ZSCAN22: variants seen among roughly 807,000 people sequenced by gnomAD.
The protein encoded by ZSCAN22 is zinc finger and SCAN domain containing 22.
In ZSCAN22, 7 loss-of-function variants were observed where a neutral mutation model predicts 12.4. The observed-to-expected ratio is 0.57, with a 90% CI of 0.32 to 1.06. ZSCAN22 has a LOEUF of 1.06. Among genes scored for constraint, ZSCAN22 ranks in the 50% least tolerant of loss-of-function variants. The probability of loss-of-function intolerance (pLI) is 0.04; values close to 1 mark genes in which losing one functional copy is unlikely to be tolerated. For synonymous variants in ZSCAN22, 243 were observed against 255.9 expected (o/e 0.95, Z 0.48); for missense variants, 576 against 631.7 (o/e 0.91, Z 0.94).
Position 58,338,195 on chromosome 19 carries a change from CA to C in ZSCAN22, c.404-58del, listed in dbSNP as rs992264526. ...TACAAAGTGTGACCGGGGCCCTCGGCAGAGTAGGGGAGGCTTGGTGTGGTAG... is the reference window on the plus strand; with the variant it reads ...TACAAAGTGTGACCGGGGCCCTCGGCGAGTAGGGGAGGCTTGGTGTGGTAG... On this transcript the variant is annotated intron_variant, in intron 2 of 2. Transcript: ENST00000329665. This position sits in a 1 kb window ranked among gnomAD's most constrained non-coding sequence, Gnocchi z 5.4. The C allele has an allele frequency of 1.6e-5, 24 of 1,473,022 alleles. No homozygotes were observed. The Admixed American group carries it at 3.7e-4, about 23-fold the overall frequency. 91.2% of individuals were successfully genotyped at this position (1,473,022 alleles called of 1,614,324 possible).
rs572074941 is a variant in ZSCAN22, at chr19:58,340,134, A to G, written c.*808A>G. ...ATTCTCTGCCCCTGTATCACTCTCCAGGGGACTCTTGATATTACTTAGATC... is the reference window on the plus strand; with the variant it reads ...ATTCTCTGCCCCTGTATCACTCTCCGGGGGACTCTTGATATTACTTAGATC... On this transcript the variant is annotated 3_prime_UTR_variant, in exon 3 of 3. Transcript: ENST00000329665. 6.6e-6 allele frequency: 1 copy of G among 152,188 alleles called. No homozygotes were observed. The highest frequency in any genetic ancestry group is 1.5e-5 in the Non-Finnish European group (1 of 68,084). The allele number at this position is 152,188 out of a possible 1,614,324, so 9.4% of individuals were successfully genotyped here.
In ZSCAN22 at chr19:58,340,288, A is replaced by C. The variant is rs1208660366; in HGVS notation, c.*962A>C. ...GAGCAACCTCTCCAGTTATCCTCAT[A>C]TGCATGTATGAATACTGTCATTTTT... On this transcript the variant is annotated 3_prime_UTR_variant, in exon 3 of 3. Coordinates refer to ENST00000329665, the MANE Select transcript of ZSCAN22 (RefSeq NM_181846.3). 1.3e-5 allele frequency: 2 copies of C among 152,092 alleles called. No homozygotes were observed. Among genetic ancestry groups the C allele is most frequent in the Admixed American group, 1.3e-4 (2 of 15,248 alleles). 9.4% of individuals were successfully genotyped at this position (152,092 alleles called of 1,614,324 possible). A position where few individuals can be genotyped will look rare whatever the true frequency, so the allele number is the denominator to read the frequency against.
chr19:58,338,801 C>T lies in ZSCAN22; in HGVS notation c.951C>T (p.Val317=), dbSNP rs761045526. 3 of 1,613,876 alleles carry T rather than the reference C, an allele frequency of 1.9e-6. No individual in the cohort carries two copies. The highest frequency in any genetic ancestry group is 1.3e-5 in the African/African-American group (1 of 74,870). ...RSTHLAQHQV[V]HTGAKPHECK... is the part of the protein sequence containing the mutation. ...CTCACCTCGCCCAGCACCAGGTTGT[C>T]CACACAGGGGCGAAGCCCCATGAGT... Residue 317 remains valine (V), a synonymous_variant, in exon 3 of 3, where the codon GTC becomes GTT. Transcript: ENST00000329665. This position sits in a 1 kb window ranked among gnomAD's most constrained non-coding sequence, Gnocchi z 5.4.
rs745980220 is a variant in ZSCAN22 at position 58,338,635 on chromosome 19, A to C, written c.785A>C (p.Tyr262Ser). 6.2e-7 allele frequency: 1 copy of C among 1,614,176 alleles called. No individual in the cohort carries two copies. The highest frequency in any genetic ancestry group is 8.5e-7 in the Non-Finnish European group (1 of 1,180,034). The change falls in exon 3 of 3, where the codon TAC (tyrosine) becomes TCC (serine). Residue 262 changes from tyrosine to serine, a missense_variant. Tyr to Ser is a moderately radical substitution (Grantham distance 144). Coordinates refer to ENST00000329665, the MANE Select transcript of ZSCAN22 (RefSeq NM_181846.3). The surrounding 1 kb of genome is among the most constrained non-coding windows in gnomAD (Gnocchi z 5.4). ...DAYGTEPPYT[Y>S]SGKRSSKCRE... ...TATGGGACAGAGCCTCCATACACCT[A>C]CTCAGGGAAGAGGTCCTCCAAGTGT...
chr19:58,339,697 CAA>C lies in ZSCAN22; in HGVS notation c.*372_*373del. 4.9e-6 allele frequency: 1 copy of C among 204,744 alleles called. No homozygotes were observed. The highest frequency in any genetic ancestry group is 1.2e-4 in the East Asian group (1 of 8,436). The allele number at this position is 204,744 out of a possible 1,614,324, so 12.7% of individuals were successfully genotyped here. ...GCGTCCCAAGACGCTCTGGGCGGGC[CAA>C]CTGTAGCTTGTTCTCATGTGGTTCT... On this transcript the variant is annotated 3_prime_UTR_variant, in exon 3 of 3. Transcript: ENST00000329665. The surrounding 1 kb of genome is among the most constrained non-coding windows in gnomAD (Gnocchi z 5.6).
rs149707549 is a variant in ZSCAN22 at position 58,335,048 on chromosome 19, G to A, written c.246G>A (p.Ala82=). The change falls in exon 2 of 3, where the codon GCG becomes GCA. Residue 82 remains alanine, a synonymous_variant. Coordinates refer to ENST00000329665, the MANE Select transcript of ZSCAN22 (RefSeq NM_181846.3). The surrounding 1 kb of genome is among the most constrained non-coding windows in gnomAD (Gnocchi z 4.1). ...GCTGTCAGTGGCTGCAGCCCGAGGC[G>A]CACTCCAAGGAGCAGATACTGGAGC... ...ALCCQWLQPE[A]HSKEQILELL... The A allele has an allele frequency of 7.4e-6, 12 of 1,613,918 alleles. No homozygotes were observed. The highest frequency in any genetic ancestry group is 7.6e-6 in the Non-Finnish European group (9 of 1,180,044).
In ZSCAN22 at chr19:58,339,285, C is replaced by T. The variant is rs941020760; in HGVS notation, c.1435C>T (p.Leu479=). The T allele has an allele frequency of 8.1e-6, 13 of 1,613,026 alleles. No homozygotes were observed. The highest frequency in any genetic ancestry group is 1.0e-5 in the Non-Finnish European group (12 of 1,179,176). The part of the protein sequence containing the change: ...CGKAFSRSSA[L]MVHLRIHITV... ...GAAGGCCTTCAGTCGTAGCTCAGCC[C>T]TGATGGTTCACTTGCGGATCCACAT... is the stretch of plus-strand genomic sequence containing the variant. The change falls in exon 3 of 3, where the codon CTG becomes TTG. Residue 479 remains leucine (L), a synonymous_variant. Coordinates refer to ENST00000329665, the MANE Select transcript of ZSCAN22 (RefSeq NM_181846.3). This position sits in a 1 kb window ranked among gnomAD's most constrained non-coding sequence, Gnocchi z 5.6.
rs2051782105 is a variant in ZSCAN22 at position 58,335,200 on chromosome 19, A to C, written c.398A>C (p.Lys133Thr). 2 of 1,592,464 alleles carry C rather than the reference A, an allele frequency of 1.3e-6. No individual in the cohort carries two copies. The highest frequency in any genetic ancestry group is 1.7e-6 in the Non-Finnish European group (2 of 1,168,412). Residue 133 changes from lysine to threonine, a missense_variant, in exon 2 of 3, where the codon AAG (lysine) becomes ACG (threonine). Coordinates refer to ENST00000329665, the MANE Select transcript of ZSCAN22 (RefSeq NM_181846.3). This position sits in a 1 kb window ranked among gnomAD's most constrained non-coding sequence, Gnocchi z 4.1. ...LVEDLTQVLD[K>T]RGWDPGAEPT... ...GAGGATCTGACTCAGGTGCTGGACA[A>C]GAGAGGTAAAGGGGCGCCGTGGGCA...
chr19:58,331,518 GTTA>G (rs74179462), intron 1 of ZSCAN22, among the ~76,000 whole-genome samples: 10,413 of 119,180 alleles, frequency 0.087, 616 homozygotes, highest in East Asian at 0.3. Flanking sequence ...TCCAGCTGAC[GTTA>G]TTATTATTAT....
chr19:58,340,732 C>T lies in ZSCAN22; in HGVS notation c.*1406C>T, dbSNP rs1161295362. Reference sequence around the variant, plus strand: ...ATCTCCTGACCTCGTGATCCACCCGCCTCGGCCTCCCAAAGTGCTGGGATT... The same window carrying T: ...ATCTCCTGACCTCGTGATCCACCCGTCTCGGCCTCCCAAAGTGCTGGGATT... On this transcript the variant is annotated 3_prime_UTR_variant, in exon 3 of 3. Transcript: ENST00000329665. 2 of 151,780 alleles carry T rather than the reference C, an allele frequency of 1.3e-5. No homozygotes were observed. Among genetic ancestry groups the T allele is most frequent in the Non-Finnish European group, 2.9e-5 (2 of 67,996 alleles). 9.4% of individuals were successfully genotyped at this position (151,780 alleles called of 1,614,324 possible). A position where few individuals can be genotyped will look rare whatever the true frequency, so the allele number is the denominator to read the frequency against.
chr19:58,332,381 C>T (rs2051738037), intron 1 of ZSCAN22, among the ~76,000 whole-genome samples: 1 of 139,956 alleles, frequency 7.1e-6, no homozygotes, highest in African/African-American at 2.7e-5. Flanking sequence ...TCAAGAGATT[C>T]TCCTGCCTCA....
chr19:58,329,530 G>C lies in ZSCAN22; in HGVS notation c.-52+2416G>C, dbSNP rs2051697878. ...ACACTTAATTTAGGGTATTCTTCCT[G>C]ACTATAAGAGAAAACAAATTCACTG... On this transcript the variant is annotated intron_variant, in intron 1 of 2. Transcript: ENST00000329665. This position sits in a 1 kb window ranked among gnomAD's most constrained non-coding sequence, Gnocchi z 4.1. Among the ~76,000 whole-genome samples the C allele has an allele frequency of 6.6e-6, 1 of 152,304 alleles. No homozygotes were observed. Among genetic ancestry groups the C allele is most frequent in the African/African-American group, 2.4e-5 (1 of 41,548 alleles).
In ZSCAN22 at chr19:58,338,706, C is replaced by T; in HGVS notation, c.856C>T (p.His286Tyr). The change falls in exon 3 of 3, where the codon CAC (histidine) becomes TAC (tyrosine). Residue 286 changes from histidine to tyrosine, a missense_variant. By Grantham distance (83) the His-to-Tyr change is moderately conservative. Coordinates refer to ENST00000329665, the MANE Select transcript of ZSCAN22 (RefSeq NM_181846.3). The surrounding 1 kb of genome is among the most constrained non-coding windows in gnomAD (Gnocchi z 5.4). Reference sequence around the variant, plus strand: ...CCAGAGTGCTTCGGCGCTCGAGGCACACCAGAAGACCCATTCTCGGAAGAC... The same window carrying T: ...CCAGAGTGCTTCGGCGCTCGAGGCATACCAGAAGACCCATTCTCGGAAGAC... ...MFQSASALEAHQKTHSRKTPY... is the reference protein window; with the variant it reads ...MFQSASALEAYQKTHSRKTPY... The T allele has an allele frequency of 6.2e-7, 1 of 1,614,232 alleles. No individual in the cohort carries two copies.
In ZSCAN22 at chr19:58,335,233, G is replaced by A. The variant is rs768776008; in HGVS notation, c.403+28G>A. 1.4e-5 allele frequency: 21 copies of A among 1,525,404 alleles called. No individual in the cohort carries two copies. Among genetic ancestry groups the A allele is most frequent in the South Asian group, 5.1e-5 (4 of 78,572 alleles). The allele number at this position is 1,525,404 out of a possible 1,614,324, so 94.5% of individuals were successfully genotyped here. A position where few individuals can be genotyped will look rare whatever the true frequency, so the allele number is the denominator to read the frequency against. On this transcript the variant is annotated intron_variant, in intron 2 of 2. Coordinates refer to ENST00000329665, the MANE Select transcript of ZSCAN22 (RefSeq NM_181846.3). This position sits in a 1 kb window ranked among gnomAD's most constrained non-coding sequence, Gnocchi z 4.1. Reference sequence around the variant, plus strand: ...AAAGGGGCGCCGTGGGCAGCTTCACGGCACACCAGAGATACACCCTGGACA... The same window carrying A: ...AAAGGGGCGCCGTGGGCAGCTTCACAGCACACCAGAGATACACCCTGGACA...
rs778354798 is a variant in ZSCAN22 at position 58,338,933 on chromosome 19, C to G, written c.1083C>G (p.Phe361Leu). 2.9e-5 allele frequency: 47 copies of G among 1,614,030 alleles called. No homozygotes were observed. The highest frequency in any genetic ancestry group is 3.9e-5 in the Non-Finnish European group (46 of 1,180,046). ...AATGTGGGGAATGTGGTAAAACCTT[C>G]AGCCGCAGCACTCACCTCACCCAGC... ...PYKCGECGKTFSRSTHLTQHQ... is the reference protein window; with the variant it reads ...PYKCGECGKTLSRSTHLTQHQ... Residue 361 changes from phenylalanine to leucine, a missense_variant, in exon 3 of 3, where the codon TTC becomes TTG. Transcript: ENST00000329665. This position sits in a 1 kb window ranked among gnomAD's most constrained non-coding sequence, Gnocchi z 5.4.
chr19:58,338,640 G>A lies in ZSCAN22; in HGVS notation c.790G>A (p.Gly264Arg), dbSNP rs778966758. ...YGTEPPYTYS[G>R]KRSSKCRECR... Reference sequence around the variant, plus strand: ...GACAGAGCCTCCATACACCTACTCAGGGAAGAGGTCCTCCAAGTGTCGCGA... The same window carrying A: ...GACAGAGCCTCCATACACCTACTCAAGGAAGAGGTCCTCCAAGTGTCGCGA... Residue 264 changes from glycine to arginine, a missense_variant, in exon 3 of 3, where the codon GGG becomes AGG. Coordinates refer to ENST00000329665, the MANE Select transcript of ZSCAN22 (RefSeq NM_181846.3). This position sits in a 1 kb window ranked among gnomAD's most constrained non-coding sequence, Gnocchi z 5.4. 9 of 1,614,096 alleles carry A rather than the reference G, an allele frequency of 5.6e-6. No individual in the cohort carries two copies. The highest frequency in any genetic ancestry group is 5.0e-5 in the Admixed American group (3 of 60,002).
chr19:58,330,194 G>T (rs75164126), intron 1 of ZSCAN22, among the ~76,000 whole-genome samples: 10,400 of 152,272 alleles, frequency 0.068, 669 homozygotes, highest in East Asian at 0.33. Context: ...GGAGGCTGAG[G>T]CAGGAGAATG....
intron 1 of ZSCAN22, among the ~76,000 whole-genome samples, chr19:58,333,635 G>A (rs970879504): frequency 4.6e-5 from 7 of 152,242 alleles, no homozygotes; most frequent in African/African-American, 7.2e-5. Context: ...CTTGAGGTCA[G>A]GAGTTCGAGA....
intron 1 of ZSCAN22, among the ~76,000 whole-genome samples, chr19:58,334,213 C>A (rs2051761932): frequency 6.6e-6 from 1 of 152,232 alleles, no homozygotes; most frequent in South Asian, 2.1e-4. Context: ...TAACCCTTCA[C>A]TAGCTGAGGG....
Sources: gnomAD v4.1 joint callset for allele counts (sites outside exome capture counted in the v4.1 genomes callset) on GRCh38, gnomAD v4.1.1 for gene constraint, Gnocchi (gnomAD v3.1) non-coding constraint, MANE v1.5 for transcripts, NCBI Gene and HGNC (gene_info 2026-07-23, HGNC 2026-07-21) for gene names.